Variants in FA2H observed in about 807,000 individuals in gnomAD.
FA2H encodes the protein fatty acid alpha-hydroxylase.
Under a neutral mutation model 44.9 loss-of-function variants are expected in FA2H, and 22 were observed. That is an observed-to-expected ratio of 0.49 (90% CI 0.35 to 0.70). FA2H has a LOEUF of 0.70. Among genes scored for constraint, FA2H ranks in the 30% least tolerant of loss-of-function variants. The probability of loss-of-function intolerance (pLI) is 0.01; values close to 1 mark genes in which losing one functional copy is unlikely to be tolerated. For missense variants in FA2H, 501 were observed against 504.9 expected (o/e 0.99, Z 0.07); for synonymous variants, 243 against 213.2 (o/e 1.14, Z -1.22).
intron 1 of FA2H, among the ~76,000 whole-genome samples, chr16:74,750,674 G>C (rs1962510502): frequency 6.6e-6 from 1 of 152,096 alleles, no homozygotes; most frequent in Admixed American, 6.5e-5. Flanking sequence ...TTTATGCTTA[G>C]AAAGATTGGC....
chr16:74,735,826 T>C (rs1041075201), intron 2 of FA2H, among the ~76,000 whole-genome samples: 2 of 151,952 alleles, frequency 1.3e-5, no homozygotes, highest in Non-Finnish European at 2.9e-5. Context: ...CAAAAAAATT[T>C]AAGAAAATTA....
In FA2H at chr16:74,756,828, A is replaced by AT. The variant is rs1962620512; in HGVS notation, c.271-16714dup. ...AAAATATAAACCTAAAATAATACCT[A>AT]TTTTTTTCCTTACACCCCATCCCTC... On this transcript the variant is annotated intron_variant, in intron 1 of 6. Transcript: ENST00000219368. 2.0e-5 allele frequency among the ~76,000 whole-genome samples: 3 copies of AT among 152,200 alleles called. No individual in the cohort carries two copies. In the South Asian group the frequency reaches 6.2e-4, roughly 32 times the overall value.
At chr16:74,770,368 C>G (rs1252451392) in intron 1 of FA2H, among the ~76,000 whole-genome samples, 5 of 151,944 alleles carry the variant, frequency 3.3e-5, no homozygotes. Flanking sequence ...ACCTCTCCCA[C>G]AAGTTTTTTG....
At chr16:74,723,649 G>T (rs949262736) in intron 4 of FA2H, among the ~76,000 whole-genome samples, 3 of 152,186 alleles carry the variant, frequency 2.0e-5, no homozygotes, top group Non-Finnish European at 4.4e-5. Context: ...GGGCTGGTCT[G>T]GTTGGTGAGA....
chr16:74,737,643 C>T (rs569562329), intron 2 of FA2H, among the ~76,000 whole-genome samples: 5 of 152,278 alleles, frequency 3.3e-5, no homozygotes, highest in South Asian at 4.1e-4. Flanking sequence ...AACTGGGCCC[C>T]GGGAGGCCAG....
intron 2 of FA2H, among the ~76,000 whole-genome samples, chr16:74,732,141 C>T (rs968921245): frequency 1.4e-4 from 22 of 152,212 alleles, no homozygotes; most frequent in African/African-American, 5.3e-4. Flanking sequence ...GCCTCAGCCT[C>T]CCAAAGTGCT....
chr16:74,762,279 G>A (rs538260560), intron 1 of FA2H, among the ~76,000 whole-genome samples: 2 of 152,264 alleles, frequency 1.3e-5, no homozygotes, highest in South Asian at 2.1e-4. Context: ...TCCTGACCTC[G>A]TGATCCACCC....
At chr16:74,735,588 G>A (rs557611441) in intron 2 of FA2H, among the ~76,000 whole-genome samples, 11 of 152,340 alleles carry the variant, frequency 7.2e-5, no homozygotes, top group African/African-American at 2.6e-4. Context: ...GAAGACGAGC[G>A]AAGGGAGCCT....
intron 1 of FA2H, among the ~76,000 whole-genome samples, chr16:74,747,407 T>C (rs1962445647): frequency 6.6e-6 from 1 of 152,098 alleles, no homozygotes; most frequent in African/African-American, 2.4e-5. Context: ...TCTCAGGCCA[T>C]GCACCAAGGG....
intron 1 of FA2H, among the ~76,000 whole-genome samples, chr16:74,770,465 G>A (rs1167273781): frequency 2.6e-5 from 4 of 152,252 alleles, no homozygotes; most frequent in South Asian, 2.1e-4. Context: ...TGCAACTTCC[G>A]CCTCCTGGGC....
At chr16:74,715,617 C>T (rs555076001) in intron 6 of FA2H, among the ~76,000 whole-genome samples, 3 of 152,218 alleles carry the variant, frequency 2.0e-5, no homozygotes, top group African/African-American at 4.8e-5. Flanking sequence ...ATGTTGATTA[C>T]ATGTTGAAAT....
chr16:74,752,566 T>C (rs1052981896), intron 1 of FA2H, among the ~76,000 whole-genome samples: 5 of 152,172 alleles, frequency 3.3e-5, no homozygotes, highest in Non-Finnish European at 2.9e-5. Context: ...TTCTATTGCA[T>C]CACTTGCTGC....
intron 4 of FA2H, among the ~76,000 whole-genome samples, chr16:74,724,994 T>C (rs1158959014): frequency 6.6e-6 from 1 of 152,016 alleles, no homozygotes; most frequent in Non-Finnish European, 1.5e-5. Flanking sequence ...CTGTTTGTGA[T>C]TGTTAGGGGA....
intron 1 of FA2H, among the ~76,000 whole-genome samples, chr16:74,763,341 T>A (rs1460002872): frequency 6.6e-6 from 1 of 152,116 alleles, no homozygotes; most frequent in African/African-American, 2.4e-5. Context: ...CACTGCAACC[T>A]CAGCCTCCCA....
At chr16:74,737,231 C>T (rs567116932) in intron 2 of FA2H, among the ~76,000 whole-genome samples, 27 of 152,240 alleles carry the variant, frequency 1.8e-4, no homozygotes, top group Middle Eastern at 3.4e-3. Context: ...GCTGCTGGAC[C>T]AGGGGGACAC....
At chr16:74,719,182 G>A (rs770208780) in intron 4 of FA2H, 22 bp from the exon 5 acceptor site, 39 of 1,608,730 alleles carry the variant, frequency 2.4e-5, no homozygotes, top group Middle Eastern at 3.4e-4. Flanking sequence ...CAGGGAGAGC[G>A]AGGTGAGGAC....
intron 1 of FA2H, among the ~76,000 whole-genome samples, chr16:74,770,897 G>A (rs1202302481): frequency 1.3e-5 from 2 of 152,226 alleles, no homozygotes; most frequent in African/African-American, 4.8e-5. Context: ...GGCAACAGAT[G>A]AGCATACAGG....
chr16:74,713,670 C>T lies in FA2H; in HGVS notation c.*520G>A, dbSNP rs187456324. On this transcript the variant is annotated 3_prime_UTR_variant, in exon 7 of 7. Transcript: ENST00000219368. Reference sequence around the variant, plus strand: ...CTGGGGTGGACTGTGGGAGGCATCACGCTGTCTCTTCTTGCGAGAGCTCTT... The same window carrying T: ...CTGGGGTGGACTGTGGGAGGCATCATGCTGTCTCTTCTTGCGAGAGCTCTT... 4.9e-3 allele frequency: 775 copies of T among 156,930 alleles called. 3 individuals carry two copies. Among genetic ancestry groups the T allele is most frequent in the Non-Finnish European group, 7.5e-3 (529 of 70,380 alleles). The allele number at this position is 156,930 out of a possible 1,614,324, so 9.7% of individuals were successfully genotyped here. A position where few individuals can be genotyped will look rare whatever the true frequency, so the allele number is the denominator to read the frequency against.
rs1961640625 is a variant in FA2H, at chr16:74,714,206, TGG to T, written c.1101_1102del (p.His368ProfsTer32). The T allele has an allele frequency of 6.4e-7, 1 of 1,564,170 alleles. No homozygotes were observed. The highest frequency in any genetic ancestry group is 8.7e-7 in the Non-Finnish European group (1 of 1,153,910). On this transcript the variant is annotated frameshift_variant, in exon 7 of 7. Coordinates refer to ENST00000219368, the MANE Select transcript of FA2H (RefSeq NM_024306.5). LOFTEE classifies it high-confidence loss of function. ...TGGGAGTTGTCACTGCGTCTTCAGG[TGG>T]GGTTTCTCTGGAGTGAGGGTGTGGA...
Sources: gnomAD v4.1 joint callset for allele counts (sites outside exome capture counted in the v4.1 genomes callset) on GRCh38, gnomAD v4.1.1 for gene constraint, MANE v1.5 for transcripts, NCBI Gene and HGNC (gene_info 2026-07-23, HGNC 2026-07-21) for gene names.